Variants in PMFBP1 observed in about 807,000 individuals in gnomAD.
The protein encoded by PMFBP1 is polyamine-modulated factor 1-binding protein 1.
A neutral mutation model predicts 137.8 loss-of-function variants in PMFBP1; 131 were observed. The observed-to-expected ratio is 0.95, with a 90% CI of 0.82 to 1.10. The LOEUF (loss-of-function observed/expected upper bound fraction) is 1.10, where lower values mean the gene tolerates loss of function less well. Among genes scored for constraint, PMFBP1 ranks in the 50% least tolerant of loss-of-function variants. The probability of loss-of-function intolerance (pLI) is 0.00; values close to 1 mark genes in which losing one functional copy is unlikely to be tolerated. For synonymous variants in PMFBP1, 490 were observed against 450.4 expected (o/e 1.09, Z -1.11); for missense variants, 1,199 against 1,175.4 (o/e 1.02, Z -0.29).
rs756319917 is a variant in PMFBP1, at chr16:72,119,839, T to C, written c.3007+12A>G. 3 of 1,609,208 alleles carry C rather than the reference T, an allele frequency of 1.9e-6. No homozygotes were observed. Among genetic ancestry groups the C allele is most frequent in the Non-Finnish European group, 2.5e-6 (3 of 1,178,170 alleles). On this transcript the variant is annotated intron_variant, in intron 20 of 20. Coordinates refer to ENST00000237353, the MANE Select transcript of PMFBP1 (RefSeq NM_031293.3). ...AAATCACACTTATTTTTTTGACAAA[T>C]GGCAGACGTACCCGGGCAGTGGGGC...
At chr16:72,178,023 C>T (rs2043264434), upstream of PMFBP1, among the ~76,000 whole-genome samples, 1 of 152,102 alleles carries the variant, frequency 6.6e-6, no homozygotes, top group South Asian at 2.1e-4. Flanking sequence ...TCCCAAGTAG[C>T]TGGGACTACA....
intron 5 of PMFBP1, among the ~76,000 whole-genome samples, chr16:72,147,047 A>T (rs1307475552): frequency 6.6e-6 from 1 of 152,226 alleles, no homozygotes; most frequent in Non-Finnish European, 1.5e-5. Context: ...TGGAACCAAA[A>T]AAGAGCCCGC....
chr16:72,199,977 G>A, the PMFBP1 span, among the ~76,000 whole-genome samples: 2 of 152,204 alleles, frequency 1.3e-5, no homozygotes, highest in Admixed American at 6.5e-5. Flanking sequence ...AAAGCAGCCC[G>A]AGAGGAAATG....
the PMFBP1 span, among the ~76,000 whole-genome samples, chr16:72,239,411 C>T: frequency 6.6e-6 from 1 of 152,154 alleles, no homozygotes; most frequent in East Asian, 1.9e-4. Flanking sequence ...CCTTTATCTA[C>T]CCCAAAATTC....
chr16:72,157,501 T>C (rs574194162), intron 3 of PMFBP1, among the ~76,000 whole-genome samples: 4 of 152,106 alleles, frequency 2.6e-5, no homozygotes, highest in African/African-American at 4.8e-5. Flanking sequence ...CTGGTGGTAT[T>C]TGAGGAGCCC....
At chr16:72,238,701 A>T in the PMFBP1 span, among the ~76,000 whole-genome samples, 1 of 152,230 alleles carries the variant, frequency 6.6e-6, no homozygotes, top group African/African-American at 2.4e-5. Context: ...TCAGAAACAC[A>T]GGCTTTATTG....
chr16:72,161,562 TAAA>T (rs767672117), intron 3 of PMFBP1, among the ~76,000 whole-genome samples: 2 of 151,982 alleles, frequency 1.3e-5, no homozygotes, highest in Non-Finnish European at 2.9e-5. Flanking sequence ...ACATTCACTT[TAAA>T]AAAAGTATTT....
the PMFBP1 span, among the ~76,000 whole-genome samples, chr16:72,194,669 G>C: frequency 6.6e-6 from 1 of 152,206 alleles, no homozygotes; most frequent in Non-Finnish European, 1.5e-5. Context: ...GGGAGTGAGA[G>C]AATCGGTAGA....
the PMFBP1 span, among the ~76,000 whole-genome samples, chr16:72,231,741 G>A: frequency 1.3e-5 from 2 of 152,090 alleles, no homozygotes; most frequent in African/African-American, 4.8e-5. Flanking sequence ...TAATTACTCT[G>A]TCATGCTGCT....
chr16:72,226,687 C>A, the PMFBP1 span, among the ~76,000 whole-genome samples: 9 of 152,062 alleles, frequency 5.9e-5, no homozygotes, highest in Admixed American at 4.6e-4. Context: ...ATAACCGGTA[C>A]ATAAGGTGGT....
At chr16:72,245,523 G>C in the PMFBP1 span, among the ~76,000 whole-genome samples, 2 of 152,324 alleles carry the variant, frequency 1.3e-5, no homozygotes, top group African/African-American at 4.8e-5. Flanking sequence ...TTTCAGAAAA[G>C]GGTGCACTGC....
intron 20 of PMFBP1, chr16:72,119,643 G>C (rs1040557513): frequency 3.5e-6 from 5 of 1,444,060 alleles, no homozygotes; most frequent in Non-Finnish European, 4.5e-6. Flanking sequence ...TGAGGCACTT[G>C]GGTATGCTTC....
intron 3 of PMFBP1, among the ~76,000 whole-genome samples, chr16:72,160,263 T>C (rs1449291878): frequency 1.3e-5 from 2 of 152,274 alleles, no homozygotes; most frequent in Non-Finnish European, 2.9e-5. Context: ...AGTTCTGTAT[T>C]TTCCTTGTAT....
At chr16:72,174,456 C>T (rs553467670), upstream of PMFBP1, among the ~76,000 whole-genome samples, 4 of 152,274 alleles carry the variant, frequency 2.6e-5, no homozygotes, top group Non-Finnish European at 5.9e-5. Flanking sequence ...TGGATCCTGG[C>T]ACCAGGGGAA....
chr16:72,156,290 T>C (rs562707333), intron 3 of PMFBP1, among the ~76,000 whole-genome samples: 1 of 151,902 alleles, frequency 6.6e-6, no homozygotes, highest in Admixed American at 6.5e-5. Context: ...CCTGGCTGCA[T>C]AATGTTTTTG....
At chr16:72,165,067 C>T in intron 2 of PMFBP1, 151 bp from the exon 3 acceptor site, 1 of 775,790 alleles carries the variant, frequency 1.3e-6, no homozygotes, top group Non-Finnish European at 1.9e-6. Flanking sequence ...AACATTTACA[C>T]AGTTTCCAAT....
the PMFBP1 span, among the ~76,000 whole-genome samples, chr16:72,203,615 A>T: frequency 6.6e-6 from 1 of 152,088 alleles, no homozygotes; most frequent in African/African-American, 2.4e-5. Context: ...TTTCTGTGGC[A>T]AGTACGGATG....
the PMFBP1 span, among the ~76,000 whole-genome samples, chr16:72,239,535 T>A: frequency 1.1e-4 from 17 of 152,184 alleles, no homozygotes; most frequent in Admixed American, 3.9e-4. Context: ...GTACAGCTAC[T>A]GAGAGGTCCT....
the PMFBP1 span, among the ~76,000 whole-genome samples, chr16:72,194,399 C>T: frequency 7.2e-5 from 11 of 152,056 alleles, no homozygotes; most frequent in African/African-American, 2.7e-4. Context: ...TTTCTTCCAT[C>T]CTTAGATCTT....
Sources: gnomAD v4.1 joint callset for allele counts (sites outside exome capture counted in the v4.1 genomes callset) on GRCh38, gnomAD v4.1.1 for gene constraint, MANE v1.5 for transcripts, NCBI Gene and HGNC (gene_info 2026-07-23, HGNC 2026-07-21) for gene names.